NUP93: variants seen among roughly 807,000 people sequenced by gnomAD.
The protein encoded by NUP93 is nuclear pore complex protein Nup93.
NUP93 carries 55 observed loss-of-function variants against 107.8 expected under a neutral mutation model. The observed-to-expected ratio is 0.51, with a 90% CI of 0.41 to 0.64. The LOEUF (loss-of-function observed/expected upper bound fraction) is 0.64. NUP93 is among the 30% of genes least tolerant of loss of function. NUP93 has a pLI of 0.00. For missense variants in NUP93, 937 were observed against 1,044.7 expected, an observed-to-expected ratio of 0.90 and a Z score of 1.42; for synonymous variants, 390 against 397.5, an observed-to-expected ratio of 0.98 and a Z score of 0.22.
At chr16:56,832,111 A>G in intron 11 of NUP93, 104 bp downstream of exon 11, 7 of 1,420,758 alleles carry the variant, frequency 4.9e-6, no homozygotes, top group Non-Finnish European at 6.9e-6. Flanking sequence ...TACAGTGATC[A>G]GGACCAGTGG....
chr16:56,849,141 C>G lies in NUP93; in HGVS notation c.*4532C>G, dbSNP rs1364764371. On this transcript the variant is annotated 3_prime_UTR_variant, in exon 22 of 22. Coordinates refer to ENST00000308159, the MANE Select transcript of NUP93 (RefSeq NM_014669.5). The stretch of plus-strand genomic sequence containing the variant: ...GCTCCACGTGCCTAGATTCAGACTC[C>G]GTGATTCACCGTGGGGGCCCTTAAT... 6.6e-6 allele frequency: 1 copy of G among 152,204 alleles called. No individual in the cohort carries two copies. The highest frequency in any genetic ancestry group is 2.4e-5 in the African/African-American group (1 of 41,440). 9.4% of individuals were successfully genotyped at this position (152,204 alleles called of 1,614,324 possible).
At chr16:56,767,618 A>C (rs1962238004) in intron 3 of NUP93, among the ~76,000 whole-genome samples, 1 of 152,218 alleles carries the variant, frequency 6.6e-6, no homozygotes, top group Non-Finnish European at 1.5e-5. Flanking sequence ...GGACAGGTAG[A>C]AACCGCCATG....
intron 1 of NUP93, among the ~76,000 whole-genome samples, chr16:56,744,066 C>T (rs1464934186): frequency 6.6e-6 from 1 of 152,120 alleles, no homozygotes; most frequent in African/African-American, 2.4e-5. Context: ...TGTCCAGCCC[C>T]AATTGTGCTG....
intron 3 of NUP93, among the ~76,000 whole-genome samples, chr16:56,794,078 GTAGGTAGGTAGGTAGA>G (rs1332274447): frequency 7.7e-6 from 1 of 129,850 alleles, no homozygotes; most frequent in Non-Finnish European, 1.7e-5. Context: ...AGATAGGTAG[GTAGGTAGGTAGGTAGA>G]TAGATAGATA....
chr16:56,832,061 G>A, intron 11 of NUP93, 54 bp downstream of exon 11: 1 of 1,599,184 alleles, frequency 6.3e-7, no homozygotes, highest in East Asian at 2.2e-5. Flanking sequence ...CTGTGCTCAA[G>A]TCCCCGCAAA....
chr16:56,745,484 G>C (rs1427008188), intron 1 of NUP93, among the ~76,000 whole-genome samples: 1 of 152,208 alleles, frequency 6.6e-6, no homozygotes, highest in Non-Finnish European at 1.5e-5. Flanking sequence ...TGGGAGGCAA[G>C]GGCTGAAGCT....
intron 3 of NUP93, among the ~76,000 whole-genome samples, chr16:56,796,877 C>A (rs944731854): frequency 6.6e-6 from 1 of 152,026 alleles, no homozygotes; most frequent in Admixed American, 6.6e-5. Context: ...GAGGCTGAGG[C>A]AGGATAATCG....
intron 3 of NUP93, chr16:56,783,989 C>T: frequency 1.6e-6 from 1 of 618,528 alleles, no homozygotes; most frequent in Non-Finnish European, 2.0e-6. Context: ...CGCAGAGGTT[C>T]TGCGTTACAC....
intron 1 of NUP93, among the ~76,000 whole-genome samples, chr16:56,747,453 A>G (rs1045309225): frequency 6.6e-6 from 1 of 152,206 alleles, no homozygotes; most frequent in African/African-American, 2.4e-5. Context: ...TAACAAATCT[A>G]ATGTCCCGAA....
chr16:56,779,697 A>G (rs1274193914), intron 3 of NUP93, among the ~76,000 whole-genome samples: 1 of 152,170 alleles, frequency 6.6e-6, no homozygotes, highest in African/African-American at 2.4e-5. Context: ...ATACTCGTAG[A>G]TGGAGGAAGA....
intron 2 of NUP93, among the ~76,000 whole-genome samples, chr16:56,754,914 T>G (rs1290221500): frequency 6.6e-6 from 1 of 152,202 alleles, no homozygotes; most frequent in Non-Finnish European, 1.5e-5. Flanking sequence ...AAATTTTGTG[T>G]TTTTAATCTT....
chr16:56,774,140 A>G (rs2144508498), intron 3 of NUP93, among the ~76,000 whole-genome samples: 1 of 152,228 alleles, frequency 6.6e-6, no homozygotes, highest in East Asian at 1.9e-4. Flanking sequence ...AAGTGGGAGG[A>G]TTAATAATCC....
intron 5 of NUP93, among the ~76,000 whole-genome samples, chr16:56,816,718 G>C (rs1396734474): frequency 6.6e-6 from 1 of 152,094 alleles, no homozygotes; most frequent in Non-Finnish European, 1.5e-5. Flanking sequence ...GTCTGGAAAA[G>C]GGTATATTCA....
At chr16:56,788,207 C>T (rs1267095936) in intron 3 of NUP93, among the ~76,000 whole-genome samples, 1 of 152,204 alleles carries the variant, frequency 6.6e-6, no homozygotes, top group African/African-American at 2.4e-5. Flanking sequence ...GCTTCCCCTA[C>T]CCTCCCAGGA....
chr16:56,832,036 G>A (rs1288019408), intron 11 of NUP93, 29 bp downstream of exon 11: 3 of 1,612,320 alleles, frequency 1.9e-6, no homozygotes, highest in South Asian at 1.1e-5. Context: ...GCCCACATAG[G>A]GCTTTACCCC....
At chr16:56,817,320 C>G (rs1193623726) in intron 5 of NUP93, among the ~76,000 whole-genome samples, 1 of 152,144 alleles carries the variant, frequency 6.6e-6, no homozygotes, top group Non-Finnish European at 1.5e-5. Flanking sequence ...CTTCAGACTG[C>G]CTTTCTGATA....
chr16:56,809,195 GGCT>G (rs1247355671), intron 5 of NUP93, among the ~76,000 whole-genome samples: 3 of 152,080 alleles, frequency 2.0e-5, no homozygotes, highest in African/African-American at 7.2e-5. Context: ...AGGGAGCCAG[GGCT>G]TGCCACACAT....
Position 56,844,847 on chromosome 16 carries a change from C to T in NUP93, c.*238C>T, listed in dbSNP as rs1289918840. 2.0e-5 allele frequency: 8 copies of T among 402,124 alleles called. No homozygotes were observed. Among genetic ancestry groups the T allele is most frequent in the Admixed American group, 4.4e-5 (1 of 22,618 alleles). 24.9% of individuals were successfully genotyped at this position (402,124 alleles called of 1,614,324 possible). A position where few individuals can be genotyped will look rare whatever the true frequency, so the allele number is the denominator to read the frequency against. ...TTTTTATTTGTGTAATGGGAAATAC[C>T]GTCACTAGCTCTTGGGCCAGGGAAT... On this transcript the variant is annotated 3_prime_UTR_variant, in exon 22 of 22. Transcript: ENST00000308159.
At chr16:56,754,257 T>C (rs1961977202) in intron 2 of NUP93, among the ~76,000 whole-genome samples, 1 of 152,076 alleles carries the variant, frequency 6.6e-6, no homozygotes, top group African/African-American at 2.4e-5. Context: ...CCTCCAATGT[T>C]GAGGATTACA....
Sources: gnomAD v4.1 joint callset for allele counts (sites outside exome capture counted in the v4.1 genomes callset) on GRCh38, gnomAD v4.1.1 for gene constraint, MANE v1.5 for transcripts, NCBI Gene and HGNC (gene_info 2026-07-23, HGNC 2026-07-21) for gene names.